The following RPRD2 variants were observed in gnomAD, a reference collection of about 807,000 sequenced individuals.
The protein encoded by RPRD2 is regulation of nuclear pre-mRNA domain containing 2.
A neutral mutation model predicts 104.4 loss-of-function variants in RPRD2; 12 were observed. That is an observed-to-expected ratio of 0.11 (90% CI 0.07 to 0.19). RPRD2 has a LOEUF of 0.19. Among genes scored for constraint, RPRD2 ranks in the 10% least tolerant of loss-of-function variants. RPRD2 has a pLI of 1.00. For missense variants in RPRD2, 1,543 were observed against 1,790.1 expected, an observed-to-expected ratio of 0.86 and a Z score of 2.49; for synonymous variants, 714 against 684.9, an observed-to-expected ratio of 1.04 and a Z score of -0.66.
At chr1:150,457,868 C>A (rs1308283154) in intron 8 of RPRD2, among the ~76,000 whole-genome samples, 1 of 151,592 alleles carries the variant, frequency 6.6e-6, no homozygotes, top group Admixed American at 6.6e-5. Context: ...GTCAGGAGTT[C>A]GAGACCACCC....
Position 150,417,705 on chromosome 1 carries a change from T to C in RPRD2, c.315T>C (p.Pro105=). 6.2e-7 allele frequency: 1 copy of C among 1,605,604 alleles called. No individual in the cohort carries two copies. The highest frequency in any genetic ancestry group is 8.5e-7 in the Non-Finnish European group (1 of 1,174,308). ...IFRESFADVL[P]EAAALVKDPS... is the part of the protein sequence containing the mutation. The stretch of plus-strand genomic sequence containing the variant: ...GTGAATCATTTGCTGATGTACTTCC[T>C]GAAGCAGCTGCTCTAGTGAAGTAAG... The change falls in exon 2 of 11, where the codon CCT becomes CCC. Residue 105 remains proline (P), a synonymous_variant. Coordinates refer to ENST00000369068, the MANE Select transcript of RPRD2 (RefSeq NM_015203.5).
intron 2 of RPRD2, among the ~76,000 whole-genome samples, chr1:150,422,344 A>AATAATAATAATAATAAT (rs1664819991): frequency 9.9e-6 from 1 of 101,376 alleles, no homozygotes; most frequent in Admixed American, 9.5e-5. Flanking sequence ...GTCTCAAAAT[A>AATAATAATAATAATAAT]ATAATAATAA....
intron 6 of RPRD2, among the ~76,000 whole-genome samples, chr1:150,445,322 C>G (rs1431670535): frequency 6.6e-6 from 1 of 152,112 alleles, no homozygotes; most frequent in African/African-American, 2.4e-5. Context: ...CCAAGTTACA[C>G]AACTGATAAG....
intron 10 of RPRD2, 68 bp from the exon 11 acceptor site, chr1:150,470,493 G>A: frequency 6.8e-7 from 1 of 1,470,002 alleles, no homozygotes; most frequent in Non-Finnish European, 9.2e-7. Context: ...TATCTGATTA[G>A]CCTACATTGT....
At chr1:150,407,553 A>T (rs1195104795) in intron 1 of RPRD2, among the ~76,000 whole-genome samples, 1 of 152,200 alleles carries the variant, frequency 6.6e-6, no homozygotes, top group Non-Finnish European at 1.5e-5. Context: ...CTCAAAATGT[A>T]ACAGTTTGAA....
rs191802974 is a variant in RPRD2 at position 150,431,630 on chromosome 1, G to A, written c.336-9293G>A. On this transcript the variant is annotated intron_variant, in intron 2 of 10. Coordinates refer to ENST00000369068, the MANE Select transcript of RPRD2 (RefSeq NM_015203.5). ...TGAGTAGCTGGGATTACAGGCGCGC[G>A]CCACCATACCCAGCTAATTTTTGTA... 6.8e-3 allele frequency among the ~76,000 whole-genome samples: 1,029 copies of A among 150,756 alleles called. 4 individuals are homozygous for A. Among genetic ancestry groups the A allele is most frequent in the Non-Finnish European group, 8.7e-3 (590 of 67,692 alleles).
At chr1:150,412,347 G>T (rs1338165069) in intron 1 of RPRD2, among the ~76,000 whole-genome samples, 1 of 152,142 alleles carries the variant, frequency 6.6e-6, no homozygotes, top group Non-Finnish European at 1.5e-5. Context: ...TGGAGAGTTT[G>T]CATTGAGGAG....
intron 7 of RPRD2, among the ~76,000 whole-genome samples, chr1:150,452,621 G>A (rs1553896855): frequency 6.8e-6 from 1 of 146,650 alleles, no homozygotes; most frequent in African/African-American, 2.5e-5. Flanking sequence ...CAAAGTTTTG[G>A]TCAATGTGAG....
intron 2 of RPRD2, among the ~76,000 whole-genome samples, chr1:150,432,144 C>T (rs1457901005): frequency 1.4e-5 from 2 of 146,554 alleles, no homozygotes; most frequent in African/African-American, 2.5e-5. Flanking sequence ...ATTACACTTT[C>T]TTCTGGGTGA....
In RPRD2 at chr1:150,473,001, C is replaced by T; in HGVS notation, c.4053C>T (p.Gly1351=). The part of the protein sequence containing the change: ...GVLPGPRDHG[G]PTQRDLNGPG... ...TCCCAGGACCCAGGGACCACGGGGG[C>T]CCCACCCAACGGGACCTCAACGGCC... Residue 1351 remains glycine (G), a synonymous_variant, in exon 11 of 11, where the codon GGC becomes GGT. Transcript: ENST00000369068. 1.2e-6 allele frequency: 2 copies of T among 1,613,996 alleles called. No homozygotes were observed. The highest frequency in any genetic ancestry group is 1.7e-6 in the Non-Finnish European group (2 of 1,179,880).
chr1:150,415,117 G>A (rs1178896886), intron 1 of RPRD2, among the ~76,000 whole-genome samples: 9 of 152,078 alleles, frequency 5.9e-5, no homozygotes, highest in Admixed American at 5.9e-4. Flanking sequence ...CTGAGGTCAG[G>A]ATTTCAAGAC....
intron 1 of RPRD2, among the ~76,000 whole-genome samples, chr1:150,404,922 C>G (rs1361891159): frequency 6.6e-6 from 1 of 152,156 alleles, no homozygotes; most frequent in African/African-American, 2.4e-5. Flanking sequence ...TTATTAGTCC[C>G]TTGAATTCAG....
At chr1:150,416,552 TG>T (rs1664341802) in intron 1 of RPRD2, among the ~76,000 whole-genome samples, 1 of 152,040 alleles carries the variant, frequency 6.6e-6, no homozygotes, top group Non-Finnish European at 1.5e-5. Flanking sequence ...AGTACATTGA[TG>T]GGGCTTTGTC....
At chr1:150,460,640 T>A (rs1553898634) in intron 9 of RPRD2, among the ~76,000 whole-genome samples, 1 of 151,894 alleles carries the variant, frequency 6.6e-6, no homozygotes, top group Non-Finnish European at 1.5e-5. Context: ...TGACCTCAGG[T>A]GATACACCCA....
intron 1 of RPRD2, among the ~76,000 whole-genome samples, chr1:150,365,986 A>T (rs1659817021): frequency 1.3e-5 from 2 of 152,112 alleles, no homozygotes; most frequent in Admixed American, 1.3e-4. Flanking sequence ...AATATGTAGT[A>T]CCTTTTTCTC....
intron 10 of RPRD2, among the ~76,000 whole-genome samples, chr1:150,467,892 G>T (rs931326132): frequency 1.3e-5 from 2 of 152,118 alleles, no homozygotes; most frequent in Non-Finnish European, 2.9e-5. Context: ...CAGGCCCGGT[G>T]TGGTGGGTCA....
intron 2 of RPRD2, among the ~76,000 whole-genome samples, chr1:150,426,790 T>A (rs1486132449): frequency 1.3e-5 from 2 of 152,144 alleles, no homozygotes; most frequent in Non-Finnish European, 2.9e-5. Context: ...TCTGGAGATA[T>A]GGATGGTGGT....
chr1:150,379,178 G>T (rs1357045611), intron 1 of RPRD2, among the ~76,000 whole-genome samples: 1 of 151,182 alleles, frequency 6.6e-6, no homozygotes, highest in Non-Finnish European at 1.5e-5. Flanking sequence ...AGCTACTCAG[G>T]AGGCTGAGGC....
intron 1 of RPRD2, among the ~76,000 whole-genome samples, chr1:150,388,416 G>A (rs1286433395): frequency 1.4e-5 from 2 of 139,990 alleles, no homozygotes; most frequent in Non-Finnish European, 3.2e-5. Flanking sequence ...ATATACACAT[G>A]TATATATATA....
Sources: gnomAD v4.1 joint callset for allele counts (sites outside exome capture counted in the v4.1 genomes callset) on GRCh38, gnomAD v4.1.1 for gene constraint, MANE v1.5 for transcripts, NCBI Gene and HGNC (gene_info 2026-07-23, HGNC 2026-07-21) for gene names.